RETREG1: variants seen among roughly 807,000 people sequenced by gnomAD.
RETREG1 encodes the protein family with sequence similarity 134 member B.
A neutral mutation model predicts 54.8 loss-of-function variants in RETREG1; 44 were observed. That is an observed-to-expected ratio of 0.80 (90% CI 0.63 to 1.03). The LOEUF (loss-of-function observed/expected upper bound fraction) is 1.03, where lower values mean the gene tolerates loss of function less well. Ranked by LOEUF, RETREG1 falls within the 50% of genes least tolerant of loss-of-function variation. The pLI is 0.00. For synonymous variants in RETREG1, 217 were observed against 238.5 expected (o/e 0.91, Z 0.83); for missense variants, 554 against 605.1 (o/e 0.92, Z 0.89).
In RETREG1 at chr5:16,616,751, T is replaced by C. The variant is rs2126387770; in HGVS notation, c.221A>G (p.Glu74Gly). 1.1e-5 allele frequency: 17 copies of C among 1,568,792 alleles called. No homozygotes were observed. The highest frequency in any genetic ancestry group is 1.5e-5 in the Non-Finnish European group (17 of 1,165,370). The change falls in exon 1 of 9, where the codon GAG becomes GGG. Residue 74 changes from glutamate (E) to glycine (G), a missense_variant. Transcript: ENST00000306320. ...GCGGCAGCCCAGCCACAGCACCGGC[T>C]CCCCGAGCAGCCAGGTTACCGCGGC... ...AAAAVTWLLG[E>G]PVLWLGCRAD...
At chr5:16,573,727 GTTTGTTTGTTT>G (rs1742247454) in intron 1 of RETREG1, among the ~76,000 whole-genome samples, 1 of 132,988 alleles carries the variant, frequency 7.5e-6, no homozygotes, top group Non-Finnish European at 1.7e-5. Context: ...GGTTTTTTGG[GTTTGTTTGTTT>G]TTTGTTTTTT....
At chr5:16,515,406 A>G (rs1376990265) in intron 3 of RETREG1, among the ~76,000 whole-genome samples, 2 of 152,220 alleles carry the variant, frequency 1.3e-5, no homozygotes, top group African/African-American at 4.8e-5. Flanking sequence ...TTTTCTTCAT[A>G]TAACTTGGCA....
At chr5:16,508,930 A>AGCTGCCCC in intron 3 of RETREG1, 9 of 1,195,596 alleles carry the variant, frequency 7.5e-6, no homozygotes, top group Non-Finnish European at 9.4e-6. Flanking sequence ...AGCCCTGCCC[A>AGCTGCCCC]GCTGCCCCGC....
At chr5:16,489,659 C>G (rs1739172589) in intron 3 of RETREG1, among the ~76,000 whole-genome samples, 1 of 152,212 alleles carries the variant, frequency 6.6e-6, no homozygotes, top group Admixed American at 6.5e-5. Flanking sequence ...TTAACTGTCA[C>G]CATTCCTGGC....
intron 4 of RETREG1, 96 bp downstream of exon 4, chr5:16,483,250 A>C: frequency 7.1e-7 from 1 of 1,409,262 alleles, no homozygotes; most frequent in Non-Finnish European, 1.0e-6. Context: ...TTATATTTAA[A>C]ATTGGAGAAA....
chr5:16,612,759 G>T (rs980959079), intron 1 of RETREG1, among the ~76,000 whole-genome samples: 5 of 151,934 alleles, frequency 3.3e-5, no homozygotes, highest in African/African-American at 9.7e-5. Flanking sequence ...TCATATTTCA[G>T]TATTTTTCAT....
At chr5:16,580,885 C>A (rs1742460905) in intron 1 of RETREG1, among the ~76,000 whole-genome samples, 1 of 152,204 alleles carries the variant, frequency 6.6e-6, no homozygotes, top group African/African-American at 2.4e-5. Flanking sequence ...TGGGGCATCC[C>A]CAAGATATTG....
At chr5:16,614,168 CTGGA>C (rs1288037874) in intron 1 of RETREG1, among the ~76,000 whole-genome samples, 2 of 152,180 alleles carry the variant, frequency 1.3e-5, no homozygotes, top group Non-Finnish European at 2.9e-5. Context: ...GAAAACACCC[CTGGA>C]TACTATCAAA....
chr5:16,544,498 C>T lies in RETREG1; in HGVS notation c.458+21265G>A, dbSNP rs1741337254. 1.3e-5 allele frequency among the ~76,000 whole-genome samples: 2 copies of T among 152,112 alleles called. 1 individual carries two copies. Among genetic ancestry groups the T allele is most frequent in the Admixed American group, 1.3e-4 (2 of 15,278 alleles). ...TGTATCTAAGAAATCTTTCCCTAAC[C>T]TGGGGTTATGAAGACTTTCAGCTGT... On this transcript the variant is annotated intron_variant, in intron 3 of 8. Transcript: ENST00000306320.
intron 3 of RETREG1, among the ~76,000 whole-genome samples, chr5:16,490,045 G>T (rs1400892195): frequency 6.6e-6 from 1 of 152,140 alleles, no homozygotes; most frequent in Non-Finnish European, 1.5e-5. Flanking sequence ...GATTTGAGGA[G>T]ATAATTACCA....
At chr5:16,604,271 A>G (rs1040400471) in intron 1 of RETREG1, among the ~76,000 whole-genome samples, 14 of 152,132 alleles carry the variant, frequency 9.2e-5, no homozygotes, top group African/African-American at 3.4e-4. Context: ...CATTCTGCCA[A>G]ATACCCTTAC....
Position 16,554,028 on chromosome 5 carries a change from G to A in RETREG1, c.458+11735C>T, listed in dbSNP as rs188738935. 3.8e-3 allele frequency among the ~76,000 whole-genome samples: 573 copies of A among 152,192 alleles called. 2 individuals are homozygous for A. Among genetic ancestry groups the A allele is most frequent in the Non-Finnish European group, 6.9e-3 (469 of 68,008 alleles). ...AGTTTCCAAATCTTGAAACATTTTTGGGTTTACACCTAAGTCACCAGAATA... is the reference window on the plus strand; with the variant it reads ...AGTTTCCAAATCTTGAAACATTTTTAGGTTTACACCTAAGTCACCAGAATA... On this transcript the variant is annotated intron_variant, in intron 3 of 8. Coordinates refer to ENST00000306320, the MANE Select transcript of RETREG1 (RefSeq NM_001034850.3).
intron 1 of RETREG1, among the ~76,000 whole-genome samples, chr5:16,573,345 C>CT (rs1742234574): frequency 6.6e-6 from 1 of 152,040 alleles, no homozygotes; most frequent in Admixed American, 6.5e-5. Flanking sequence ...CCCTGCAGTG[C>CT]TTTTTTTGGG....
At chr5:16,601,904 G>A (rs1743064741) in intron 1 of RETREG1, among the ~76,000 whole-genome samples, 1 of 152,184 alleles carries the variant, frequency 6.6e-6, no homozygotes, top group East Asian at 1.9e-4. Flanking sequence ...GCATTGGCAG[G>A]CCTTTCGCCA....
chr5:16,606,934 A>T (rs780387080), intron 1 of RETREG1, among the ~76,000 whole-genome samples: 2 of 152,126 alleles, frequency 1.3e-5, no homozygotes, highest in Non-Finnish European at 2.9e-5. Context: ...AGCCCCAGCC[A>T]CAATGGCCTC....
intron 3 of RETREG1, among the ~76,000 whole-genome samples, chr5:16,543,250 T>C (rs1345447121): frequency 1.3e-5 from 2 of 152,234 alleles, no homozygotes; most frequent in African/African-American, 2.4e-5. Flanking sequence ...TGCTGACAGA[T>C]AGTTTCGGCT....
chr5:16,527,603 GAGA>G (rs1306968502), intron 3 of RETREG1, among the ~76,000 whole-genome samples: 5 of 152,038 alleles, frequency 3.3e-5, no homozygotes, highest in Admixed American at 2.0e-4. Context: ...TAATCAAAAA[GAGA>G]AGAAGAAGAA....
At chr5:16,557,090 A>G (rs1465249427) in intron 3 of RETREG1, among the ~76,000 whole-genome samples, 2 of 152,224 alleles carry the variant, frequency 1.3e-5, no homozygotes, top group African/African-American at 4.8e-5. Flanking sequence ...TCGGCCTCCC[A>G]TAGTGCTGGC....
At chr5:16,553,647 A>C (rs1369540519) in intron 3 of RETREG1, among the ~76,000 whole-genome samples, 1 of 152,088 alleles carries the variant, frequency 6.6e-6, no homozygotes, top group East Asian at 1.9e-4. Context: ...CAAATGAATG[A>C]GGAGCACAAA....
Sources: allele counts gnomAD v4.1 joint callset (sites outside exome capture counted in the v4.1 genomes callset), GRCh38; gene constraint gnomAD v4.1.1; transcripts MANE v1.5; gene names NCBI Gene and HGNC (gene_info 2026-07-23, HGNC 2026-07-21).